ADGRL2: variants seen among roughly 807,000 people sequenced by gnomAD.
ADGRL2 encodes the protein calcium-independent alpha-latrotoxin receptor 2.
A neutral mutation model predicts 157.4 loss-of-function variants in ADGRL2; 44 were observed. The ratio of observed to expected loss-of-function variants is 0.28; its 90% CI spans 0.22 to 0.36. The LOEUF is 0.36. Ranked by LOEUF, ADGRL2 falls within the 10% of genes least tolerant of loss-of-function variation. The probability of loss-of-function intolerance (pLI) is 1.00; values close to 1 mark genes in which losing one functional copy is unlikely to be tolerated. For missense variants in ADGRL2, 1,510 were observed against 1,768.9 expected, an observed-to-expected ratio of 0.85 and a Z score of 2.63; for synonymous variants, 585 against 624.7, an observed-to-expected ratio of 0.94 and a Z score of 0.95.
chr1:81,515,637 AT>A (rs1469189516), intron 2 of ADGRL2, among the ~76,000 whole-genome samples: 11 of 152,182 alleles, frequency 7.2e-5, no homozygotes, highest in Non-Finnish European at 1.6e-4. Flanking sequence ...AAAATGATGT[AT>A]GTTTATTGTG....
intron 2 of ADGRL2, among the ~76,000 whole-genome samples, chr1:81,517,774 G>C (rs1201529674): frequency 6.6e-6 from 1 of 152,182 alleles, no homozygotes; most frequent in East Asian, 1.9e-4. Context: ...TGCCAAAGAT[G>C]ACTTTTTCCT....
At chr1:81,854,444 A>G (rs1342734509) in intron 2 of ADGRL2, among the ~76,000 whole-genome samples, 1 of 152,214 alleles carries the variant, frequency 6.6e-6, no homozygotes, top group African/African-American at 2.4e-5. Flanking sequence ...AGTGGTTCAA[A>G]TTCTGACTCT....
chr1:81,445,524 G>T (rs2077582400), intron 2 of ADGRL2, among the ~76,000 whole-genome samples: 1 of 152,150 alleles, frequency 6.6e-6, no homozygotes, highest in Non-Finnish European at 1.5e-5. Flanking sequence ...AATATCCTGT[G>T]GTGGTGTTAG....
intron 1 of ADGRL2, among the ~76,000 whole-genome samples, chr1:81,337,340 T>TG (rs112065761): frequency 7.0e-6 from 1 of 142,370 alleles, no homozygotes; most frequent in African/African-American, 2.5e-5. Context: ...CCAGGGGTTG[T>TG]GGGTATCCCC....
intron 1 of ADGRL2, among the ~76,000 whole-genome samples, chr1:81,321,680 G>A (rs763671426): frequency 2.0e-5 from 3 of 152,134 alleles, no homozygotes; most frequent in Non-Finnish European, 2.9e-5. Context: ...TTACATGGAT[G>A]TGGCTCATGG....
chr1:81,689,433 G>A (rs765545653), intron 3 of ADGRL2, among the ~76,000 whole-genome samples: 1 of 152,176 alleles, frequency 6.6e-6, no homozygotes, highest in Non-Finnish European at 1.5e-5. Context: ...AAGGACCCAA[G>A]CCTGTGGCAG....
intron 2 of ADGRL2, among the ~76,000 whole-genome samples, chr1:81,894,405 A>G (rs1198503014): frequency 6.6e-6 from 1 of 152,168 alleles, no homozygotes; most frequent in Non-Finnish European, 1.5e-5. Flanking sequence ...GAGAAAAGTA[A>G]TAGCACAATA....
intron 1 of ADGRL2, among the ~76,000 whole-genome samples, chr1:81,313,367 T>C (rs185942919): frequency 2.5e-3 from 387 of 152,336 alleles, no homozygotes; most frequent in South Asian, 0.014. Flanking sequence ...GTCACATTTA[T>C]AATGTTGATT....
intron 1 of ADGRL2, chr1:81,722,921 C>T (rs2084383657): frequency 1.4e-6 from 1 of 740,582 alleles, no homozygotes; most frequent in East Asian, 2.5e-5. Context: ...TCTTAGTGAT[C>T]TAGAGGTTCT....
At chr1:81,666,668 C>G (rs899292979) in intron 3 of ADGRL2, among the ~76,000 whole-genome samples, 12 of 152,108 alleles carry the variant, frequency 7.9e-5, no homozygotes, top group African/African-American at 2.9e-4. Flanking sequence ...CATATAACAA[C>G]CAGGTTAGAG....
At chr1:81,505,761 AAAT>A (rs1427697686) in intron 2 of ADGRL2, among the ~76,000 whole-genome samples, 1 of 151,450 alleles carries the variant, frequency 6.6e-6, no homozygotes, top group African/African-American at 2.4e-5. Context: ...AAAAAAAAAA[AAAT>A]AGGAGGCTGA....
At chr1:81,655,033 C>T (rs2082499544) in intron 3 of ADGRL2, among the ~76,000 whole-genome samples, 1 of 152,186 alleles carries the variant, frequency 6.6e-6, no homozygotes, top group South Asian at 2.1e-4. Context: ...ACTGCAACCT[C>T]CACCTCCCAG....
intron 1 of ADGRL2, among the ~76,000 whole-genome samples, chr1:81,826,217 A>C (rs944232082): frequency 6.6e-6 from 1 of 152,158 alleles, no homozygotes; most frequent in South Asian, 2.1e-4. Context: ...CTGTTACTTC[A>C]TAGTAGATGT....
At chr1:81,588,069 A>C (rs1288002390) in intron 3 of ADGRL2, among the ~76,000 whole-genome samples, 1 of 152,066 alleles carries the variant, frequency 6.6e-6, no homozygotes, top group East Asian at 1.9e-4. Context: ...GGTGGAGGGA[A>C]ACAAGAGGAG....
intron 2 of ADGRL2, among the ~76,000 whole-genome samples, chr1:81,450,892 C>A (rs964219670): frequency 7.2e-5 from 11 of 152,116 alleles, no homozygotes; most frequent in African/African-American, 2.7e-4. Flanking sequence ...AAAAATCAAT[C>A]TGACTGTAAG....
chr1:81,768,475 A>G (rs866131161), intron 2 of ADGRL2, among the ~76,000 whole-genome samples: 2 of 122,768 alleles, frequency 1.6e-5, no homozygotes, highest in Non-Finnish European at 1.6e-5. Flanking sequence ...TCTATGAAGT[A>G]CCTCTTTTTT....
At chr1:81,650,326 C>T (rs1390885526) in intron 3 of ADGRL2, among the ~76,000 whole-genome samples, 1 of 152,016 alleles carries the variant, frequency 6.6e-6, no homozygotes, top group East Asian at 1.9e-4. Flanking sequence ...AATCCCAGCA[C>T]TTTGGGAAGC....
At chr1:81,695,513 G>A (rs2083424444), upstream of ADGRL2, among the ~76,000 whole-genome samples, 1 of 152,104 alleles carries the variant, frequency 6.6e-6, no homozygotes, top group African/African-American at 2.4e-5. Context: ...GGCTGAGGCA[G>A]CTATGTTTTG....
chr1:81,496,309 C>A (rs1410445819), intron 2 of ADGRL2, among the ~76,000 whole-genome samples: 1 of 152,158 alleles, frequency 6.6e-6, no homozygotes, highest in Non-Finnish European at 1.5e-5. Flanking sequence ...TTATGCATGG[C>A]AAGTTGGCAG....
Sources: gnomAD v4.1 joint callset for allele counts (sites outside exome capture counted in the v4.1 genomes callset) on GRCh38, gnomAD v4.1.1 for gene constraint, MANE v1.5 for transcripts, NCBI Gene and HGNC (gene_info 2026-07-23, HGNC 2026-07-21) for gene names.